NIPBL: variants seen among roughly 807,000 people sequenced by gnomAD.
NIPBL encodes nipped-B-like protein.
NIPBL carries 19 observed loss-of-function variants against 321.8 expected under a neutral mutation model. The ratio of observed to expected loss-of-function variants is 0.06; its 90% CI spans 0.04 to 0.09. The LOEUF (loss-of-function observed/expected upper bound fraction) is 0.09, where lower values mean the gene tolerates loss of function less well. NIPBL is among the 10% of genes least tolerant of loss of function. NIPBL has a pLI of 1.00. For missense variants in NIPBL, 2,210 were observed against 3,327.0 expected, an observed-to-expected ratio of 0.66 and a Z score of 8.26; for synonymous variants, 1,106 against 1,114.1, an observed-to-expected ratio of 0.99 and a Z score of 0.14.
intron 1 of NIPBL, among the ~76,000 whole-genome samples, chr5:36,918,953 C>T (rs1434821122): frequency 6.6e-6 from 1 of 152,046 alleles, no homozygotes; most frequent in Non-Finnish European, 1.5e-5. Flanking sequence ...ATTTTTGCAT[C>T]AATGTCCATC....
At chr5:37,007,563 C>A in intron 18 of NIPBL, 89 bp downstream of exon 18, 1 of 868,826 alleles carries the variant, frequency 1.2e-6, no homozygotes, top group Non-Finnish European at 1.8e-6. Flanking sequence ...AAGACCAGCA[C>A]TATATTATCA....
At chr5:36,992,524 G>GT (rs1745645030) in intron 10 of NIPBL, among the ~76,000 whole-genome samples, 1 of 151,774 alleles carries the variant, frequency 6.6e-6, no homozygotes, top group East Asian at 1.9e-4. Flanking sequence ...GGATCCTTTT[G>GT]TTTTTTTAAA....
At chr5:36,952,053 T>TGTGTGTGTGTGCGTGCGCGCGCGCGCGC (rs778597604) in intron 1 of NIPBL, among the ~76,000 whole-genome samples, 1 of 112,114 alleles carries the variant, frequency 8.9e-6, no homozygotes, top group Non-Finnish European at 1.9e-5. Flanking sequence ...TGTGTGTGTG[T>TGTGTGTGTGTGCGTGCGCGCGCGCGCGC]GCGCGCGCGC....
intron 1 of NIPBL, among the ~76,000 whole-genome samples, chr5:36,952,046 GTGTGTGTGCGCGCGCGCGCGCGCGCGCA>G (rs1428409878): frequency 2.8e-4 from 33 of 116,598 alleles, no homozygotes; most frequent in Non-Finnish European, 4.0e-4. Context: ...GTGTGTGTGT[GTGTGTGTGCGCGCGCGCGCGCGCGCGCA>G]TGTGTGTGTG....
intron 10 of NIPBL, among the ~76,000 whole-genome samples, chr5:36,992,816 C>T (rs1375683670): frequency 1.3e-5 from 2 of 151,756 alleles, no homozygotes; most frequent in South Asian, 2.1e-4. Context: ...GATCTTGGCT[C>T]ACTGCAGACT....
At chr5:36,904,405 G>A (rs1052584521) in intron 1 of NIPBL, among the ~76,000 whole-genome samples, 1 of 152,182 alleles carries the variant, frequency 6.6e-6, no homozygotes, top group Non-Finnish European at 1.5e-5. Context: ...GGAGGCGGAG[G>A]TTGCAGTGAG....
Position 37,045,490 on chromosome 5 carries a change from A to C in NIPBL, c.6391A>C (p.Thr2131Pro). Residue 2131 changes from threonine to proline, a missense_variant, in exon 37 of 47, where the codon ACT becomes CCT. Around this residue, in one of 14 missense-constraint regions of NIPBL, gnomAD observed 73 missense variants for 222.3 expected, o/e 0.33. Coordinates refer to ENST00000282516, the MANE Select transcript of NIPBL (RefSeq NM_133433.4). ...TCAACACCAAGAGGACCCAAATAAC[A>C]CTTCACTTCTAACAAACAAACCAGC... ...KSQHQEDPNN[T>P]SLLTNKPALL... is the part of the protein sequence containing the mutation. The C allele has an allele frequency of 1.2e-6, 2 of 1,613,934 alleles. No homozygotes were observed. Among genetic ancestry groups the C allele is most frequent in the Non-Finnish European group, 1.7e-6 (2 of 1,179,906 alleles).
At chr5:36,987,883 A>G (rs906083019) in intron 10 of NIPBL, among the ~76,000 whole-genome samples, 7 of 152,166 alleles carry the variant, frequency 4.6e-5, no homozygotes, top group East Asian at 1.9e-4. Flanking sequence ...TAACACCACA[A>G]TTGTTTTCTT....
chr5:37,052,054 A>G (rs926730091), intron 41 of NIPBL, among the ~76,000 whole-genome samples, 168 bp downstream of exon 41: 1 of 152,162 alleles, frequency 6.6e-6, no homozygotes, highest in Non-Finnish European at 1.5e-5. Flanking sequence ...ATTCTAGTCT[A>G]AAGTTAAGGT....
At chr5:37,053,925 T>C (rs1010387919) in intron 42 of NIPBL, among the ~76,000 whole-genome samples, 1 of 151,508 alleles carries the variant, frequency 6.6e-6, no homozygotes, top group African/African-American at 2.4e-5. Context: ...AGGCCAGGAG[T>C]GGTGACTCAC....
chr5:37,028,722 CTTTTTTAA>C (rs763000462), intron 32 of NIPBL, among the ~76,000 whole-genome samples: 5 of 152,122 alleles, frequency 3.3e-5, no homozygotes, highest in Non-Finnish European at 5.9e-5. Context: ...TAGCAGATGA[CTTTTTTAA>C]AAAATTATCA....
At chr5:36,922,246 T>A (rs1173150343) in intron 1 of NIPBL, among the ~76,000 whole-genome samples, 1 of 152,070 alleles carries the variant, frequency 6.6e-6, no homozygotes, top group African/African-American at 2.4e-5. Context: ...ATTTTCCACC[T>A]CCTTATTTTT....
chr5:36,937,944 T>A (rs1738627229), intron 1 of NIPBL, among the ~76,000 whole-genome samples: 1 of 152,174 alleles, frequency 6.6e-6, no homozygotes, highest in Non-Finnish European at 1.5e-5. Context: ...ACTTATTAAA[T>A]ACCAGCTCCC....
At chr5:36,944,204 T>C (rs1044686043) in intron 1 of NIPBL, among the ~76,000 whole-genome samples, 2 of 152,030 alleles carry the variant, frequency 1.3e-5, no homozygotes, top group African/African-American at 4.8e-5. Context: ...AATTATTCAA[T>C]ATGTGGAAAA....
chr5:36,961,001 C>G (rs983676646), intron 4 of NIPBL, among the ~76,000 whole-genome samples: 1 of 152,058 alleles, frequency 6.6e-6, no homozygotes, highest in Non-Finnish European at 1.5e-5. Context: ...TTCAAACTTT[C>G]GGCCCATAAA....
Position 37,017,099 on chromosome 5 carries a change from G to C in NIPBL, c.4857G>C (p.Arg1619=), listed in dbSNP as rs777950633. ...ATTACCTTGGAACTGTTGCTGCACG[G>C]CTAAGAAAAGATGCTGTTACAAGCA... is the stretch of plus-strand genomic sequence containing the variant. ...SLDYLGTVAA[R]LRKDAVTSKM... Residue 1619 remains arginine (R), a synonymous_variant, in exon 24 of 47, where the codon CGG becomes CGC. Coordinates refer to ENST00000282516, the MANE Select transcript of NIPBL (RefSeq NM_133433.4). 2 of 1,612,828 alleles carry C rather than the reference G, an allele frequency of 1.2e-6. No homozygotes were observed. The highest frequency in any genetic ancestry group is 1.1e-5 in the South Asian group (1 of 90,952).
chr5:36,883,847 A>G (rs1362187258), intron 1 of NIPBL, among the ~76,000 whole-genome samples: 1 of 151,544 alleles, frequency 6.6e-6, no homozygotes, highest in African/African-American at 2.4e-5. Flanking sequence ...GACCAAGTTG[A>G]AGTTTTACAT....
intron 27 of NIPBL, among the ~76,000 whole-genome samples, chr5:37,021,262 G>A (rs1749605920): frequency 6.6e-6 from 1 of 152,144 alleles, no homozygotes; most frequent in African/African-American, 2.4e-5. Flanking sequence ...TCGTGCCATT[G>A]CACTCCAGCC....
At chr5:37,031,494 A>G (rs1751013314) in intron 32 of NIPBL, among the ~76,000 whole-genome samples, 1 of 152,216 alleles carries the variant, frequency 6.6e-6, no homozygotes, top group South Asian at 2.1e-4. Flanking sequence ...CAAAAAACAC[A>G]TTGATAGCCA....
Sources: gnomAD v4.1 joint callset for allele counts (sites outside exome capture counted in the v4.1 genomes callset) on GRCh38, gnomAD v4.1.1 for gene constraint, gnomAD v4.1.1 regional missense constraint, MANE v1.5 for transcripts, NCBI Gene and HGNC (gene_info 2026-07-23, HGNC 2026-07-21) for gene names.